Variants in JPH1 observed in about 807,000 individuals in gnomAD.
JPH1 encodes junctophilin 1, also known as junctophilin-1.
In JPH1, 12 loss-of-function variants were observed where a neutral mutation model predicts 53.6. That is an observed-to-expected ratio of 0.22 (90% CI 0.14 to 0.36). The LOEUF (loss-of-function observed/expected upper bound fraction) is 0.36. Ranked by LOEUF, JPH1 falls within the 10% of genes least tolerant of loss-of-function variation. The pLI, the probability that JPH1 is intolerant of heterozygous loss-of-function variation, is 1.00. For missense variants in JPH1, 808 were observed against 905.5 expected (o/e 0.89, Z 1.38); for synonymous variants, 375 against 363.8 (o/e 1.03, Z -0.35).
chr8:74,266,873 T>C (rs1242517185), intron 2 of JPH1, among the ~76,000 whole-genome samples: 1 of 152,132 alleles, frequency 6.6e-6, no homozygotes, highest in Non-Finnish European at 1.5e-5. Context: ...CTGTAATGTA[T>C]AGCAATAACT....
intron 2 of JPH1, among the ~76,000 whole-genome samples, chr8:74,301,585 C>T (rs1031206681): frequency 7.9e-5 from 12 of 152,132 alleles, no homozygotes; most frequent in Admixed American, 6.5e-4. Context: ...TCACACTGTA[C>T]ACTTTCATTC....
At chr8:74,237,437 G>A (rs1807034559) in intron 4 of JPH1, 134 bp from the exon 5 acceptor site, 2 of 680,042 alleles carry the variant, frequency 2.9e-6, no homozygotes, top group South Asian at 2.0e-5. Flanking sequence ...ACAGCAGTTC[G>A]GAAAGGTGTA....
chr8:74,305,871 T>C (rs1188085901), intron 2 of JPH1, among the ~76,000 whole-genome samples: 1 of 152,244 alleles, frequency 6.6e-6, no homozygotes, highest in Admixed American at 6.5e-5. Flanking sequence ...CCATTTATTA[T>C]GGCCTAAGAC....
At chr8:74,289,242 T>C (rs1219773836) in intron 2 of JPH1, among the ~76,000 whole-genome samples, 3 of 152,188 alleles carry the variant, frequency 2.0e-5, no homozygotes, top group African/African-American at 7.2e-5. Context: ...ACGTGATTAA[T>C]AGGAAATGGC....
intron 2 of JPH1, among the ~76,000 whole-genome samples, chr8:74,293,177 A>G (rs1807389028): frequency 6.6e-6 from 1 of 152,182 alleles, no homozygotes; most frequent in African/African-American, 2.4e-5. Context: ...AACTTCTACT[A>G]CTAATCTAGT....
At chr8:74,282,447 G>A (rs1356906476) in intron 2 of JPH1, among the ~76,000 whole-genome samples, 4 of 152,198 alleles carry the variant, frequency 2.6e-5, no homozygotes, top group African/African-American at 9.7e-5. Context: ...CATTAGGATA[G>A]AGATGTCACG....
chr8:74,294,403 G>A (rs966443015), intron 2 of JPH1, among the ~76,000 whole-genome samples: 13 of 152,046 alleles, frequency 8.6e-5, no homozygotes, highest in Non-Finnish European at 1.5e-4. Context: ...AGTCGGCCAC[G>A]GTGAGGAAAC....
chr8:74,315,405 C>G lies in JPH1; in HGVS notation c.595G>C (p.Ala199Pro), dbSNP rs1363855570. The change falls in exon 2 of 6, where the codon GCA becomes CCA. Residue 199 changes from alanine to proline, a missense_variant. Around this residue, in one of 2 missense-constraint regions of JPH1, gnomAD observed 756 missense variants for 811.9 expected, o/e 0.93. Coordinates refer to ENST00000342232, the MANE Select transcript of JPH1 (RefSeq NM_020647.4). The surrounding 1 kb of genome is among the most constrained non-coding windows in gnomAD (Gnocchi z 6.3). ...TTCTTGCCCGCTAGCTCAGCGTCTG[C>G]GTGGAAGTTGAGCACGAAACCGCCG... ...TRGGFVLNFH[A>P]DAELAGKKKG... The G allele has an allele frequency of 1.2e-6, 2 of 1,612,448 alleles. No homozygotes were observed. The highest frequency in any genetic ancestry group is 3.3e-5 in the Admixed American group (2 of 59,936).
At chr8:74,310,577 T>C (rs1033226693) in intron 2 of JPH1, among the ~76,000 whole-genome samples, 13 of 152,310 alleles carry the variant, frequency 8.5e-5, no homozygotes, top group African/African-American at 3.1e-4. Flanking sequence ...GTCGGAATTA[T>C]ACAGGGGCCC....
chr8:74,295,896 G>C lies in JPH1; in HGVS notation c.1139+18965C>G, dbSNP rs944386921. Among the ~76,000 whole-genome samples the C allele has an allele frequency of 3.9e-5, 6 of 152,020 alleles. No homozygotes were observed. The East Asian group carries it at 1.2e-3, about 29-fold the overall frequency. ...TGGTTTTAGCTCAAACCACTCAGGC[G>C]TTGCGTGTGTGTTTTACCCGAGTCC... On this transcript the variant is annotated intron_variant, in intron 2 of 5. Transcript: ENST00000342232.
At chr8:74,262,401 G>A (rs117153709) in intron 2 of JPH1, among the ~76,000 whole-genome samples, 20 of 152,166 alleles carry the variant, frequency 1.3e-4, no homozygotes, top group Non-Finnish European at 2.8e-4. Flanking sequence ...TCTTGCGTTG[G>A]GGGGTGGGAT....
intron 1 of JPH1, among the ~76,000 whole-genome samples, chr8:74,317,931 C>G (rs1178067236): frequency 1.3e-5 from 2 of 152,110 alleles, no homozygotes; most frequent in African/African-American, 4.8e-5. Context: ...TAAGTCTCTG[C>G]TTAACTGTCA....
At chr8:74,292,949 G>C (rs1807381563) in intron 2 of JPH1, among the ~76,000 whole-genome samples, 2 of 152,182 alleles carry the variant, frequency 1.3e-5, no homozygotes. Context: ...TTTTAAAAAG[G>C]AAGCCTCCAT....
At chr8:74,279,706 T>C (rs1161689339) in intron 2 of JPH1, among the ~76,000 whole-genome samples, 1 of 152,220 alleles carries the variant, frequency 6.6e-6, no homozygotes, top group Non-Finnish European at 1.5e-5. Context: ...CTCCCCTTGC[T>C]ATAAAAGCAG....
rs189595581 is a variant in JPH1, at chr8:74,287,390, G to A, written c.1139+27471C>T. 2.5e-3 allele frequency among the ~76,000 whole-genome samples: 384 copies of A among 151,568 alleles called. 3 individuals carry two copies. Among genetic ancestry groups the A allele is most frequent in the Admixed American group, 5.6e-3 (86 of 15,226 alleles). The stretch of plus-strand genomic sequence containing the variant: ...TTGCAGTGAGCCAAGATTGCACTCC[G>A]GACTGGGCAACAGAGCGAGACTCTG... On this transcript the variant is annotated intron_variant, in intron 2 of 5. Coordinates refer to ENST00000342232, the MANE Select transcript of JPH1 (RefSeq NM_020647.4).
chr8:74,286,034 C>A (rs1486232328), intron 2 of JPH1, among the ~76,000 whole-genome samples: 1 of 152,120 alleles, frequency 6.6e-6, no homozygotes, highest in Non-Finnish European at 1.5e-5. Context: ...TTTTAAAAAT[C>A]ATCACTTGTA....
At chr8:74,272,246 G>T (rs991016805) in intron 2 of JPH1, among the ~76,000 whole-genome samples, 1 of 151,654 alleles carries the variant, frequency 6.6e-6, no homozygotes, top group African/African-American at 2.4e-5. Flanking sequence ...CATACTTAAT[G>T]ATCTACACGT....
intron 2 of JPH1, among the ~76,000 whole-genome samples, chr8:74,305,554 C>G (rs1807808111): frequency 6.6e-6 from 1 of 152,212 alleles, no homozygotes; most frequent in East Asian, 1.9e-4. Flanking sequence ...GAGCTGGAAT[C>G]TGTTGAAGTT....
chr8:74,272,046 G>A (rs1175250128), intron 2 of JPH1, among the ~76,000 whole-genome samples: 1 of 152,232 alleles, frequency 6.6e-6, no homozygotes, highest in Non-Finnish European at 1.5e-5. Flanking sequence ...GCCATCAGGA[G>A]CTTTTACTAA....
Sources: allele counts gnomAD v4.1 joint callset (sites outside exome capture counted in the v4.1 genomes callset), GRCh38; gene constraint gnomAD v4.1.1; regional missense constraint gnomAD v4.1.1; non-coding constraint Gnocchi (gnomAD v3.1); transcripts MANE v1.5; gene names NCBI Gene and HGNC (gene_info 2026-07-23, HGNC 2026-07-21).